Variants in NAA38 observed in about 807,000 individuals in gnomAD.
NAA38 encodes N-alpha-acetyltransferase 38, NatC auxiliary subunit.
In NAA38, 15 loss-of-function variants were observed where a neutral mutation model predicts 12.6. The ratio of observed to expected loss-of-function variants is 1.19; its 90% confidence interval spans 0.79 to 1.83. The LOEUF (loss-of-function observed/expected upper bound fraction) is 1.83, where lower values mean the gene tolerates loss of function less well. NAA38 is among the 40% of genes most tolerant of loss of function. The probability of loss-of-function intolerance (pLI) is 0.00; values close to 1 mark genes in which losing one functional copy is unlikely to be tolerated. For missense variants in NAA38, 183 were observed against 171.7 expected (o/e 1.07, Z -0.37); for synonymous variants, 88 against 69.9 (o/e 1.26, Z -1.29).
At chr17:7,884,926 C>T in intron 1 of NAA38, 2 of 1,399,096 alleles carry the variant, frequency 1.4e-6, no homozygotes, top group Non-Finnish European at 9.4e-7. Context: ...AGGCGGCCGA[C>T]GAGGACGATG....
intron 2 of NAA38, among the ~76,000 whole-genome samples, chr17:7,880,329 A>C (rs1319197864): frequency 6.6e-6 from 1 of 151,152 alleles, no homozygotes; most frequent in Non-Finnish European, 1.5e-5. Flanking sequence ...GGAGAGACAC[A>C]AAGATAGAGG....
intron 2 of NAA38, chr17:7,866,662 G>A: frequency 2.0e-6 from 1 of 492,912 alleles, no homozygotes; most frequent in East Asian, 3.5e-5. Context: ...GCTCCTTAAA[G>A]TTGCTTAAAT....
At chr17:7,857,566 T>C, upstream of NAA38, 1 of 1,401,194 alleles carries the variant, frequency 7.1e-7, no homozygotes, top group Non-Finnish European at 9.2e-7. Flanking sequence ...TTTCGCGAGA[T>C]CCCCTCTCCT....
At chr17:7,883,652 AAGC>A (rs1281786188) in intron 1 of NAA38, among the ~76,000 whole-genome samples, 1 of 152,168 alleles carries the variant, frequency 6.6e-6, no homozygotes, top group Admixed American at 6.5e-5. Context: ...TTTTTAAAGA[AAGC>A]AGAAAAAAAT....
chr17:7,857,324 A>C, intron 1 of NAA38, 59 bp downstream of exon 1: 1 of 1,611,950 alleles, frequency 6.2e-7, no homozygotes, highest in Non-Finnish European at 8.5e-7. Flanking sequence ...GCAGTTCCCC[A>C]CCCCCTCCAT....
At chr17:7,856,879 C>T (rs1254850538) in intron 2 of NAA38, 36 bp from the exon 3 acceptor site, 2 of 1,607,792 alleles carry the variant, frequency 1.2e-6, no homozygotes, top group Non-Finnish European at 1.7e-6. Context: ...GAAAGTAGGC[C>T]AGAATCAGTC....
chr17:7,869,806 G>A lies in NAA38; in HGVS notation c.-65-3248C>T, dbSNP rs199721746. Among the ~76,000 whole-genome samples, 12 of 152,076 alleles carry A rather than the reference G, an allele frequency of 7.9e-5. No homozygotes were observed. The East Asian group carries it at 2.3e-3, about 30-fold the overall frequency. On this transcript the variant is annotated intron_variant, in intron 2 of 4. Transcript: ENST00000576861. ...AAAAAATATTTTCCTTTACAGACTG[G>A]AGTGCTAGATGGTGAAAGGGCCCAA...
intron 1 of NAA38, 76 bp downstream of exon 1, chr17:7,857,307 G>A (rs1267862824): frequency 6.2e-7 from 1 of 1,612,074 alleles, no homozygotes; most frequent in Admixed American, 1.7e-5. Context: ...AGAGGCTGCC[G>A]GGAGCTGCAG....
In NAA38 at chr17:7,856,850, AG is replaced by A. The variant is rs1435975955; in HGVS notation, c.266-8del. 6.2e-7 allele frequency: 1 copy of A among 1,613,370 alleles called. No homozygotes were observed. On this transcript the variant is annotated splice_region_variant and splice_polypyrimidine_tract_variant and intron_variant, in intron 2 of 2. Coordinates refer to ENST00000575771, the MANE Select transcript of NAA38 (RefSeq NM_001320925.4). ...TCCCCGGCAGAGAAGGAATCTGGAA[AG>A]AAGGATCAGAGCATCAGGAAAGTAG... is the stretch of plus-strand genomic sequence containing the variant.
At chr17:7,869,473 G>C (rs1341550252) in intron 2 of NAA38, among the ~76,000 whole-genome samples, 1 of 152,122 alleles carries the variant, frequency 6.6e-6, no homozygotes, top group African/African-American at 2.4e-5. Flanking sequence ...AAATAAAAAT[G>C]ATGCTCAGTC....
rs1391769681 is a variant in NAA38, at chr17:7,857,383, C to A, written c.81G>T (p.Gly27=). 1 of 1,612,350 alleles carries A rather than the reference C, an allele frequency of 6.2e-7. No homozygotes were observed. Among genetic ancestry groups the A allele is most frequent in the Non-Finnish European group, 8.5e-7 (1 of 1,179,430 alleles). The change falls in exon 1 of 3, where the codon GGG becomes GGT. Residue 27 remains glycine, a splice_region_variant and synonymous_variant. Coordinates refer to ENST00000575771, the MANE Select transcript of NAA38 (RefSeq NM_001320925.4). The part of the protein sequence containing the change: ...CSRRQSSSSA[G]DSDGEREDSA... ...TCCCAGAACCAGAGCCCGTGCTAACCCCAGCACTGGAGCTGCTCTGACGCC... is the reference window on the plus strand; with the variant it reads ...TCCCAGAACCAGAGCCCGTGCTAACACCAGCACTGGAGCTGCTCTGACGCC...
chr17:7,857,041 G>T lies in NAA38; in HGVS notation c.239C>A (p.Ser80Ter). 6.2e-7 allele frequency: 1 copy of T among 1,611,446 alleles called. No homozygotes were observed. The highest frequency in any genetic ancestry group is 8.5e-7 in the Non-Finnish European group (1 of 1,178,474). ...TDRDCNVILG[S>*]AQEFLKPSDS... Reference sequence around the variant, plus strand: ...CGACGGCTTGAGGAACTCCTGCGCCGAGCCCAGGATGACATTGCAGTCACG... The same window carrying T: ...CGACGGCTTGAGGAACTCCTGCGCCTAGCCCAGGATGACATTGCAGTCACG... The change falls in exon 2 of 3, where the codon TCG becomes TAG. Residue 80 changes from serine to a stop codon, truncating the protein, a stop_gained. Transcript: ENST00000575771. LOFTEE classifies it high-confidence loss of function.
intron 1 of NAA38, chr17:7,884,832 A>C (rs1597890538): frequency 1.1e-6 from 1 of 931,042 alleles, no homozygotes; most frequent in Non-Finnish European, 1.5e-6. Flanking sequence ...AGGGACGAGG[A>C]GGAGGAGGAG....
upstream of NAA38, chr17:7,859,185 G>T: frequency 1.7e-6 from 1 of 605,550 alleles, no homozygotes; most frequent in Non-Finnish European, 2.9e-6. Context: ...TGGCCATCCG[G>T]TAGTTAGAAG....
intron 2 of NAA38, among the ~76,000 whole-genome samples, chr17:7,879,259 A>G (rs1211245675): frequency 1.3e-5 from 2 of 152,174 alleles, no homozygotes; most frequent in African/African-American, 2.4e-5. Flanking sequence ...TCTCTTTAAC[A>G]TATCCTTGGG....
chr17:7,857,491 C>G lies in NAA38; in HGVS notation c.-28G>C. The G allele has an allele frequency of 6.6e-7, 1 of 1,503,822 alleles. No homozygotes were observed. The highest frequency in any genetic ancestry group is 8.9e-7 in the Non-Finnish European group (1 of 1,127,136). The allele number at this position is 1,503,822 out of a possible 1,614,324, so 93.2% of individuals were successfully genotyped here. ...GCCCGGAGGCCTCCTCTGGGCCTTT[C>G]AACTTCCTAAGCACCTTTCAGGTTG... On this transcript the variant is annotated 5_prime_UTR_variant, in exon 1 of 3. Transcript: ENST00000575771.
chr17:7,871,637 T>A (rs1186966430), intron 2 of NAA38, among the ~76,000 whole-genome samples: 1 of 152,146 alleles, frequency 6.6e-6, no homozygotes, highest in South Asian at 2.1e-4. Context: ...AGGAAGTAGA[T>A]CTCTGGTGGG....
At chr17:7,885,362 G>A (rs1250895226), upstream of NAA38, 1 of 145,996 alleles carries the variant, frequency 6.8e-6, no homozygotes, top group Non-Finnish European at 1.4e-5. Flanking sequence ...GCTGGAGAGC[G>A]CTGGGCGCGA....
intron 2 of NAA38, among the ~76,000 whole-genome samples, chr17:7,867,399 C>A (rs1433279251): frequency 1.3e-5 from 2 of 152,170 alleles, no homozygotes; most frequent in Non-Finnish European, 2.9e-5. Flanking sequence ...AGTGCAATGG[C>A]ATGATCTCGG....
Sources: gnomAD v4.1 joint callset for allele counts (sites outside exome capture counted in the v4.1 genomes callset) on GRCh38, gnomAD v4.1.1 for gene constraint, MANE v1.5 for transcripts, NCBI Gene and HGNC (gene_info 2026-07-23, HGNC 2026-07-21) for gene names.